The following CEP63 variants were observed in gnomAD, a reference collection of about 807,000 sequenced individuals.
CEP63 encodes the protein centrosomal protein of 63 kDa.
CEP63 carries 84 observed loss-of-function variants against 89.1 expected under a neutral mutation model. That is an observed-to-expected ratio of 0.94 (90% CI 0.79 to 1.13). The LOEUF is 1.13. Ranked by LOEUF, CEP63 falls within the 50% of genes most tolerant of loss-of-function variation. The pLI is 0.00. For synonymous variants in CEP63, 267 were observed against 272.5 expected, an observed-to-expected ratio of 0.98 and a Z score of 0.20; for missense variants, 838 against 813.3, an observed-to-expected ratio of 1.03 and a Z score of -0.37.
chr3:134,722,073 A>G, the CEP63 span, among the ~76,000 whole-genome samples: 3 of 152,190 alleles, frequency 2.0e-5, no homozygotes, highest in East Asian at 3.8e-4. Flanking sequence ...AATATTTAAT[A>G]GAATTCACCA....
intron 5 of CEP63, among the ~76,000 whole-genome samples, chr3:134,533,745 A>G (rs1331128977): frequency 2.0e-5 from 3 of 152,188 alleles, no homozygotes. Context: ...CAGCTCCCCT[A>G]GCTTATTCTG....
intron 11 of CEP63, among the ~76,000 whole-genome samples, chr3:134,574,430 G>C (rs1329930148): frequency 6.6e-6 from 1 of 152,196 alleles, no homozygotes; most frequent in Non-Finnish European, 1.5e-5. Context: ...CTATTATCTA[G>C]TGATGTGTCA....
At chr3:134,679,172 T>C in the CEP63 span, among the ~76,000 whole-genome samples, 1 of 152,240 alleles carries the variant, frequency 6.6e-6, no homozygotes, top group Non-Finnish European at 1.5e-5. Flanking sequence ...TTATAGTTTA[T>C]ATAATGCTGC....
Position 134,558,157 on chromosome 3 carries a change from C to G in CEP63, c.1483C>G (p.Leu495Val), listed in dbSNP as rs535694503. 1.5e-5 allele frequency: 25 copies of G among 1,613,112 alleles called. No homozygotes were observed. The South Asian group carries it at 2.7e-4, about 18-fold the overall frequency. The change falls in exon 13 of 15, where the codon CTA becomes GTA. Residue 495 changes from leucine to valine, a missense_variant. Transcript: ENST00000675561. ...TTTTTATTAGGCAAAAGAGATTTCACTAGCAGACCTCCAGGAGAATTATAT... is the reference window on the plus strand; with the variant it reads ...TTTTTATTAGGCAAAAGAGATTTCAGTAGCAGACCTCCAGGAGAATTATAT... ...LGLHEAKEIS[L>V]ADLQENYIEA...
intron 6 of CEP63, among the ~76,000 whole-genome samples, chr3:134,540,820 G>A (rs186541264): frequency 2.8e-5 from 4 of 143,968 alleles, no homozygotes; most frequent in East Asian, 4.0e-4. Flanking sequence ...ATGGAGCCTC[G>A]GTTGCCCAGC....
chr3:134,628,318 T>C, the CEP63 span, among the ~76,000 whole-genome samples: 1 of 152,230 alleles, frequency 6.6e-6, no homozygotes, highest in African/African-American at 2.4e-5. Flanking sequence ...CTGAATCCCA[T>C]AAATCTAAGA....
the CEP63 span, among the ~76,000 whole-genome samples, chr3:134,680,995 C>T: frequency 0.01 from 1,563 of 152,298 alleles, 25 homozygotes; most frequent in African/African-American, 0.036. Context: ...AGTGAAGCCA[C>T]AAGACAGGTG....
At chr3:134,567,716 C>T (rs979454180), downstream of CEP63, among the ~76,000 whole-genome samples, 14 of 152,274 alleles carry the variant, frequency 9.2e-5, no homozygotes, top group African/African-American at 2.2e-4. Flanking sequence ...GCCTGCACAC[C>T]GCAGGGGTTC....
the CEP63 span, among the ~76,000 whole-genome samples, chr3:134,689,037 T>A: frequency 6.6e-6 from 1 of 152,242 alleles, no homozygotes; most frequent in South Asian, 2.1e-4. Context: ...CAATAAAAGG[T>A]GTTTAGTGAT....
chr3:134,560,223 C>T (rs1957105265), intron 14 of CEP63, among the ~76,000 whole-genome samples: 1 of 152,160 alleles, frequency 6.6e-6, no homozygotes, highest in Non-Finnish European at 1.5e-5. Flanking sequence ...GTGTGAGTAT[C>T]CATGTGTTTT....
the CEP63 span, among the ~76,000 whole-genome samples, chr3:134,667,164 C>G: frequency 2.0e-5 from 3 of 152,218 alleles, no homozygotes; most frequent in Non-Finnish European, 1.5e-5. Flanking sequence ...CTTCATACCG[C>G]TGGCCCAGAC....
the CEP63 span, among the ~76,000 whole-genome samples, chr3:134,777,376 A>C: frequency 1.3e-5 from 2 of 152,198 alleles, no homozygotes; most frequent in African/African-American, 2.4e-5. Context: ...AGTGCTCCAT[A>C]AAGAAAATGA....
chr3:134,499,202 C>A (rs1267933211), intron 2 of CEP63, among the ~76,000 whole-genome samples: 1 of 152,162 alleles, frequency 6.6e-6, no homozygotes, highest in Non-Finnish European at 1.5e-5. Context: ...ATTCCTGGTT[C>A]AGTCATGTTA....
the CEP63 span, among the ~76,000 whole-genome samples, chr3:134,736,150 G>T: frequency 6.6e-6 from 1 of 152,072 alleles, no homozygotes; most frequent in Non-Finnish European, 1.5e-5. Flanking sequence ...AGGTTAAAGG[G>T]GTGAAAACAT....
intron 6 of CEP63, among the ~76,000 whole-genome samples, chr3:134,542,624 A>C (rs1952283618): frequency 6.6e-6 from 1 of 152,204 alleles, no homozygotes; most frequent in Non-Finnish European, 1.5e-5. Context: ...TGTTCATAGT[A>C]ATCTCACTCT....
chr3:134,502,524 C>G (rs916309618), intron 2 of CEP63, among the ~76,000 whole-genome samples: 1 of 152,068 alleles, frequency 6.6e-6, no homozygotes, highest in Non-Finnish European at 1.5e-5. Context: ...TCGAGGATTT[C>G]TCTTTCTCCC....
intron 10 of CEP63, among the ~76,000 whole-genome samples, chr3:134,585,170 T>G (rs565843933): frequency 3.9e-4 from 59 of 152,164 alleles, no homozygotes; most frequent in Admixed American, 1.6e-3. Flanking sequence ...TGAAGGGATT[T>G]TTGTGTCCCT....
chr3:134,542,433 GTGT>G (rs1952232429), intron 6 of CEP63, among the ~76,000 whole-genome samples: 1 of 152,310 alleles, frequency 6.6e-6, no homozygotes, highest in East Asian at 1.9e-4. Context: ...ACTAGGAGCT[GTGT>G]TGTTAATAGG....
At chr3:134,611,387 A>C in the CEP63 span, among the ~76,000 whole-genome samples, 1 of 152,180 alleles carries the variant, frequency 6.6e-6, no homozygotes, top group East Asian at 1.9e-4. Context: ...GTGTCCTTTC[A>C]TGGCCAGCTG....
Sources: allele counts gnomAD v4.1 joint callset (sites outside exome capture counted in the v4.1 genomes callset), GRCh38; gene constraint gnomAD v4.1.1; transcripts MANE v1.5; gene names NCBI Gene and HGNC (gene_info 2026-07-23, HGNC 2026-07-21).